The following CNTNAP2 variants were observed in gnomAD, a reference collection of about 807,000 sequenced individuals.
CNTNAP2 encodes contactin associated protein 2, also known as contactin-associated protein-like 2.
CNTNAP2 carries 98 observed loss-of-function variants against 155.2 expected under a neutral mutation model. The ratio of observed to expected loss-of-function variants is 0.63; its 90% CI spans 0.54 to 0.75. CNTNAP2 has a LOEUF of 0.75. CNTNAP2 is among the 30% of genes least tolerant of loss of function. The pLI is 0.00. For synonymous variants in CNTNAP2, 651 were observed against 631.2 expected (o/e 1.03, Z -0.47); for missense variants, 1,727 against 1,688.1 (o/e 1.02, Z -0.40).
At chr7:146,633,894 T>C (rs1799554566) in intron 1 of CNTNAP2, among the ~76,000 whole-genome samples, 2 of 148,848 alleles carry the variant, frequency 1.3e-5, no homozygotes, top group South Asian at 4.2e-4. Flanking sequence ...GTAGGTGTAC[T>C]TTTGGAGTCA....
At chr7:148,294,379 A>G (rs1797244318) in intron 21 of CNTNAP2, among the ~76,000 whole-genome samples, 1 of 152,250 alleles carries the variant, frequency 6.6e-6, no homozygotes, top group Admixed American at 6.5e-5. Flanking sequence ...AAGCATTGTT[A>G]GTTTTATGTA....
intron 1 of CNTNAP2, among the ~76,000 whole-genome samples, chr7:146,327,585 T>C (rs893323689): frequency 1.3e-5 from 2 of 152,238 alleles, no homozygotes; most frequent in African/African-American, 4.8e-5. Context: ...CATTGTTTCA[T>C]TGCTTATCAA....
chr7:146,645,058 TA>T, intron 1 of CNTNAP2, among the ~76,000 whole-genome samples: 1 of 152,122 alleles, frequency 6.6e-6, no homozygotes, highest in Non-Finnish European at 1.5e-5. Flanking sequence ...GAAATTTTTT[TA>T]AAAAGAAATT....
intron 13 of CNTNAP2, among the ~76,000 whole-genome samples, chr7:147,809,995 T>C (rs1403706772): frequency 1.3e-5 from 2 of 152,182 alleles, no homozygotes; most frequent in African/African-American, 2.4e-5. Context: ...CATTTGTAAA[T>C]GTGACAGAAC....
intron 10 of CNTNAP2, among the ~76,000 whole-genome samples, chr7:147,413,139 A>G (rs1317006165): frequency 6.6e-6 from 1 of 151,886 alleles, no homozygotes; most frequent in Non-Finnish European, 1.5e-5. Context: ...TTTACTGGAA[A>G]TAGTTTTAAA....
intron 1 of CNTNAP2, among the ~76,000 whole-genome samples, chr7:146,495,552 ATTT>A (rs57676970): frequency 2.9e-3 from 390 of 133,432 alleles, no homozygotes; most frequent in Middle Eastern, 0.012. Flanking sequence ...CTAACAGGTC[ATTT>A]TTTTTTTTTT....
intron 21 of CNTNAP2, among the ~76,000 whole-genome samples, chr7:148,286,158 G>A (rs1208374971): frequency 6.6e-6 from 1 of 152,144 alleles, no homozygotes; most frequent in African/African-American, 2.4e-5. Flanking sequence ...ACTGTCTCAG[G>A]GTTGGCAGAG....
intron 3 of CNTNAP2, among the ~76,000 whole-genome samples, chr7:146,993,921 C>T (rs1429949180): frequency 6.6e-6 from 1 of 152,100 alleles, no homozygotes; most frequent in African/African-American, 2.4e-5. Flanking sequence ...TCAACCAATA[C>T]CACTTTGAAC....
intron 13 of CNTNAP2, among the ~76,000 whole-genome samples, chr7:147,686,052 T>G (rs1389142966): frequency 6.6e-6 from 1 of 152,010 alleles, no homozygotes; most frequent in Non-Finnish European, 1.5e-5. Context: ...CAATGAAATA[T>G]TCTACTTAAA....
intron 4 of CNTNAP2, among the ~76,000 whole-genome samples, chr7:147,065,718 A>C (rs1799766034): frequency 6.6e-6 from 1 of 152,156 alleles, no homozygotes; most frequent in Admixed American, 6.6e-5. Flanking sequence ...TAAAGACACA[A>C]ACTGGTTATT....
chr7:147,590,263 CA>C (rs1334107577), intron 12 of CNTNAP2, among the ~76,000 whole-genome samples: 1 of 151,850 alleles, frequency 6.6e-6, no homozygotes, highest in Non-Finnish European at 1.5e-5. Flanking sequence ...TAACCCGTTC[CA>C]AATTGATATG....
rs116440433 is a variant in CNTNAP2, at chr7:148,400,475, A to G, written c.3716-8916A>G. On this transcript the variant is annotated intron_variant, in intron 22 of 23. Coordinates refer to ENST00000361727, the MANE Select transcript of CNTNAP2 (RefSeq NM_014141.6). ...GCGACAAACCTCAACGAAGAGCCGT[A>G]CGGCACTGTTAACCAAGTGCTCCAG... Among the ~76,000 whole-genome samples, 109 of 152,338 alleles carry G rather than the reference A, an allele frequency of 7.2e-4. 1 individual carries two copies. Among genetic ancestry groups the G allele is most frequent in the African/African-American group, 2.5e-3 (104 of 41,586 alleles).
At chr7:148,010,943 G>T (rs1471164170) in intron 15 of CNTNAP2, among the ~76,000 whole-genome samples, 2 of 151,984 alleles carry the variant, frequency 1.3e-5, no homozygotes, top group African/African-American at 2.4e-5. Context: ...CTACAGTGTT[G>T]ATTTTTAATA....
chr7:146,893,248 A>G (rs1318482178), intron 3 of CNTNAP2, among the ~76,000 whole-genome samples: 1 of 152,010 alleles, frequency 6.6e-6, no homozygotes, highest in Non-Finnish European at 1.5e-5. Flanking sequence ...TTTCAGTTTA[A>G]TTTTGAGTTT....
At chr7:146,684,639 CAAAAAA>C (rs3080477) in intron 1 of CNTNAP2, among the ~76,000 whole-genome samples, 32 of 63,522 alleles carry the variant, frequency 5.0e-4, no homozygotes, top group African/African-American at 1.7e-3. Context: ...AGATCCAGCG[CAAAAAA>C]AAAAAAAAAA....
intron 1 of CNTNAP2, among the ~76,000 whole-genome samples, chr7:146,524,595 G>A (rs1426588052): frequency 4.6e-5 from 7 of 151,938 alleles, no homozygotes; most frequent in Non-Finnish European, 8.8e-5. Context: ...TACTATCGTC[G>A]TCATGCCAGA....
intron 21 of CNTNAP2, among the ~76,000 whole-genome samples, chr7:148,270,700 G>A (rs13238257): frequency 5.3e-5 from 8 of 152,236 alleles, no homozygotes; most frequent in Non-Finnish European, 1.0e-4. Context: ...GCACAGAGGT[G>A]AGAGCTGCAA....
chr7:147,741,294 G>A (rs1460503475), intron 13 of CNTNAP2, among the ~76,000 whole-genome samples: 2 of 152,134 alleles, frequency 1.3e-5, no homozygotes, highest in African/African-American at 2.4e-5. Flanking sequence ...TCATGTACTT[G>A]CCTGACCACA....
intron 13 of CNTNAP2, among the ~76,000 whole-genome samples, chr7:147,883,386 A>T (rs182033731): frequency 7.2e-5 from 11 of 152,298 alleles, no homozygotes; most frequent in Admixed American, 3.9e-4. Context: ...TTAAAATTTG[A>T]TTTTAATGCT....
Sources: gnomAD v4.1 joint callset for allele counts (sites outside exome capture counted in the v4.1 genomes callset) on GRCh38, gnomAD v4.1.1 for gene constraint, MANE v1.5 for transcripts, NCBI Gene and HGNC (gene_info 2026-07-23, HGNC 2026-07-21) for gene names.